Variants in MCHR2 observed in about 807,000 individuals in gnomAD.
MCHR2 encodes the protein melanin-concentrating hormone receptor 2.
Under a neutral mutation model 24.8 loss-of-function variants are expected in MCHR2, and 15 were observed. The ratio of observed to expected loss-of-function variants is 0.60; its 90% CI spans 0.40 to 0.93. The LOEUF (loss-of-function observed/expected upper bound fraction) is 0.93. MCHR2 is among the 40% of genes least tolerant of loss of function. The pLI is 0.00. For missense variants in MCHR2, 386 were observed against 408.7 expected (o/e 0.94, Z 0.48); for synonymous variants, 151 against 147.6 (o/e 1.02, Z -0.17).
chr6:99,959,025 G>A (rs1029143751), intron 1 of MCHR2, among the ~76,000 whole-genome samples: 2 of 152,130 alleles, frequency 1.3e-5, no homozygotes, highest in Non-Finnish European at 2.9e-5. Flanking sequence ...CTGCTTGGCA[G>A]TATCTTCCTT....
chr6:99,985,433 A>G (rs1025994355), intron 1 of MCHR2, among the ~76,000 whole-genome samples: 1 of 152,168 alleles, frequency 6.6e-6, no homozygotes, highest in Non-Finnish European at 1.5e-5. Context: ...AAATTATACT[A>G]TGGCTATACT....
intron 4 of MCHR2, among the ~76,000 whole-genome samples, chr6:99,935,249 T>C (rs1774632541): frequency 6.6e-6 from 1 of 152,084 alleles, no homozygotes; most frequent in South Asian, 2.1e-4. Context: ...TATTTTGAAA[T>C]GTACAATAGG....
chr6:99,972,553 C>CT (rs1047472168), intron 1 of MCHR2, among the ~76,000 whole-genome samples: 22 of 152,268 alleles, frequency 1.4e-4, no homozygotes, highest in African/African-American at 5.3e-4. Flanking sequence ...TTTTGGGTCT[C>CT]TATTTCCTTC....
At chr6:99,925,812 TTTTA>T (rs1774342653) in intron 5 of MCHR2, among the ~76,000 whole-genome samples, 1 of 151,274 alleles carries the variant, frequency 6.6e-6, no homozygotes, top group Admixed American at 6.6e-5. Flanking sequence ...TGTTATTTTA[TTTTA>T]TTTTTTATTT....
rs969421239 is a variant in MCHR2 at position 99,993,926 on chromosome 6, G to A, written c.-28+10C>T. Reference sequence around the variant, plus strand: ...GCCCGGCCCTCGCGCGGCAGCCCGCGGGACGTCACCTGGGTGCTCGCGTCC... The same window carrying A: ...GCCCGGCCCTCGCGCGGCAGCCCGCAGGACGTCACCTGGGTGCTCGCGTCC... On this transcript the variant is annotated intron_variant, in intron 1 of 5. Transcript: ENST00000281806. 6 of 151,930 alleles carry A rather than the reference G, an allele frequency of 3.9e-5. No individual in the cohort carries two copies. Among genetic ancestry groups the A allele is most frequent in the African/African-American group, 1.5e-4 (6 of 41,374 alleles). The allele number at this position is 151,930 out of a possible 1,614,324, so 9.4% of individuals were successfully genotyped here.
intron 1 of MCHR2, among the ~76,000 whole-genome samples, chr6:99,980,305 A>G (rs991214198): frequency 1.3e-5 from 2 of 152,188 alleles, no homozygotes; most frequent in Non-Finnish European, 2.9e-5. Flanking sequence ...AATCTGGACT[A>G]AGCTCACTTT....
chr6:99,945,324 ACT>A (rs1172260213), intron 3 of MCHR2, among the ~76,000 whole-genome samples: 1 of 152,050 alleles, frequency 6.6e-6, no homozygotes, highest in Non-Finnish European at 1.5e-5. Flanking sequence ...CTACTTACTG[ACT>A]CTTGATGTTT....
At chr6:99,986,908 G>A (rs907155851) in intron 1 of MCHR2, among the ~76,000 whole-genome samples, 1 of 149,958 alleles carries the variant, frequency 6.7e-6, no homozygotes, top group Non-Finnish European at 1.5e-5. Context: ...ATATATACAT[G>A]GACCCTTAAG....
At chr6:99,948,010 G>A (rs202114428) in intron 2 of MCHR2, 39 bp from the exon 3 acceptor site, 1 of 1,548,424 alleles carries the variant, frequency 6.5e-7, no homozygotes, top group South Asian at 1.1e-5. Flanking sequence ...GACATTGAAT[G>A]TATACAGACT....
intron 2 of MCHR2, among the ~76,000 whole-genome samples, chr6:99,952,116 G>A (rs1023128544): frequency 1.3e-5 from 2 of 152,112 alleles, no homozygotes; most frequent in Non-Finnish European, 2.9e-5. Context: ...GACTAGTTGA[G>A]TAATGGGGTT....
intron 3 of MCHR2, among the ~76,000 whole-genome samples, chr6:99,946,772 G>A (rs909027241): frequency 3.3e-5 from 5 of 152,138 alleles, no homozygotes; most frequent in African/African-American, 7.2e-5. Context: ...TAAATGTGTT[G>A]GGCTAGGGTT....
intron 5 of MCHR2, among the ~76,000 whole-genome samples, chr6:99,923,204 G>A (rs930567654): frequency 6.6e-6 from 1 of 152,116 alleles, no homozygotes; most frequent in East Asian, 1.9e-4. Context: ...GTTGGCATAT[G>A]GAAATGCTAC....
chr6:99,986,462 T>A (rs559899982), intron 1 of MCHR2, among the ~76,000 whole-genome samples: 32 of 152,294 alleles, frequency 2.1e-4, no homozygotes, highest in African/African-American at 7.2e-4. Flanking sequence ...ATGTGGTATA[T>A]ATGTATACTA....
In MCHR2 at chr6:99,920,176, C is replaced by T. The variant is rs1181538016; in HGVS notation, c.*764G>A. On this transcript the variant is annotated 3_prime_UTR_variant, in exon 6 of 6. Transcript: ENST00000281806. Reference sequence around the variant, plus strand: ...CTCATTTCTATCAGACTTTAGTTCTCCTCTTGTAGGGCTACAGGAGAAAGC... The same window carrying T: ...CTCATTTCTATCAGACTTTAGTTCTTCTCTTGTAGGGCTACAGGAGAAAGC... 6.6e-6 allele frequency: 1 copy of T among 152,202 alleles called. No homozygotes were observed. Among genetic ancestry groups the T allele is most frequent in the Non-Finnish European group, 1.5e-5 (1 of 68,040 alleles). 9.4% of individuals were successfully genotyped at this position (152,202 alleles called of 1,614,324 possible).
At chr6:99,978,961 G>C (rs1471233002) in intron 1 of MCHR2, among the ~76,000 whole-genome samples, 1 of 152,184 alleles carries the variant, frequency 6.6e-6, no homozygotes, top group Non-Finnish European at 1.5e-5. Context: ...ACTAGGCAAA[G>C]GGAATAAGCA....
intron 5 of MCHR2, among the ~76,000 whole-genome samples, chr6:99,923,904 G>T (rs1219032568): frequency 2.0e-5 from 3 of 152,038 alleles, no homozygotes; most frequent in African/African-American, 7.2e-5. Flanking sequence ...TCTGATTTTA[G>T]TATCACAGTA....
At chr6:99,992,182 G>A (rs982659689) in intron 1 of MCHR2, among the ~76,000 whole-genome samples, 2 of 152,216 alleles carry the variant, frequency 1.3e-5, no homozygotes, top group Admixed American at 6.5e-5. Context: ...ATCCCTTGTG[G>A]AGTGGGAGCT....
At chr6:99,973,193 A>C (rs369079421) in intron 1 of MCHR2, among the ~76,000 whole-genome samples, 7 of 151,484 alleles carry the variant, frequency 4.6e-5, no homozygotes, top group African/African-American at 2.4e-5. Flanking sequence ...ATTGTGTGGG[A>C]GTCTAAGTCT....
At chr6:99,967,998 A>T (rs895081522) in intron 1 of MCHR2, among the ~76,000 whole-genome samples, 1 of 152,320 alleles carries the variant, frequency 6.6e-6, no homozygotes, top group Admixed American at 6.5e-5. Context: ...TAAAACAGTA[A>T]TAATAATAGT....
Sources: gnomAD v4.1 joint callset for allele counts (sites outside exome capture counted in the v4.1 genomes callset) on GRCh38, gnomAD v4.1.1 for gene constraint, MANE v1.5 for transcripts, NCBI Gene and HGNC (gene_info 2026-07-23, HGNC 2026-07-21) for gene names.